The following NOS1AP variants were observed in gnomAD, a reference collection of about 807,000 sequenced individuals.
NOS1AP encodes carboxyl-terminal PDZ ligand of neuronal nitric oxide synthase protein.
Under a neutral mutation model 56.2 loss-of-function variants are expected in NOS1AP, and 21 were observed. That is an observed-to-expected ratio of 0.37 (90% CI 0.26 to 0.54). NOS1AP has a LOEUF of 0.54. Ranked by LOEUF, NOS1AP falls within the 20% of genes least tolerant of loss-of-function variation. The pLI, the probability that NOS1AP is intolerant of heterozygous loss-of-function variation, is 0.84. For synonymous variants in NOS1AP, 270 were observed against 274.6 expected, an observed-to-expected ratio of 0.98 and a Z score of 0.17; for missense variants, 522 against 657.8, an observed-to-expected ratio of 0.79 and a Z score of 2.26.
At chr1:162,309,478 A>C (rs1015557514) in intron 4 of NOS1AP, among the ~76,000 whole-genome samples, 8 of 152,260 alleles carry the variant, frequency 5.3e-5, no homozygotes, top group Non-Finnish European at 8.8e-5. Flanking sequence ...AGTGCTTATC[A>C]AGTGCTGAAG....
At chr1:162,137,639 T>C (rs1440409942) in intron 1 of NOS1AP, among the ~76,000 whole-genome samples, 1 of 152,052 alleles carries the variant, frequency 6.6e-6, no homozygotes, top group Non-Finnish European at 1.5e-5. Context: ...ATCCATCTTC[T>C]TCTTGTTCAG....
At chr1:162,265,477 T>C (rs1384209274) in intron 2 of NOS1AP, among the ~76,000 whole-genome samples, 1 of 150,612 alleles carries the variant, frequency 6.6e-6, no homozygotes, top group Non-Finnish European at 1.5e-5. Context: ...GAACATGCGG[T>C]GTTTGGTTTT....
At chr1:162,132,496 G>A (rs929908575) in intron 1 of NOS1AP, among the ~76,000 whole-genome samples, 20 of 152,162 alleles carry the variant, frequency 1.3e-4, no homozygotes, top group African/African-American at 4.3e-4. Flanking sequence ...AGATTTCTCC[G>A]TGACCTTCAG....
At chr1:162,216,534 C>T (rs966028941) in intron 2 of NOS1AP, among the ~76,000 whole-genome samples, 1 of 152,144 alleles carries the variant, frequency 6.6e-6, no homozygotes, top group Non-Finnish European at 1.5e-5. Flanking sequence ...GCCTCTGAGT[C>T]CTGCTATGTA....
intron 2 of NOS1AP, among the ~76,000 whole-genome samples, chr1:162,156,785 A>G (rs927624187): frequency 6.6e-6 from 1 of 152,120 alleles, no homozygotes; most frequent in South Asian, 2.1e-4. Context: ...ATTATTTACA[A>G]CTACTCTAGA....
chr1:162,329,626 A>G lies in NOS1AP; in HGVS notation c.345-3391A>G, dbSNP rs547413103. Among the ~76,000 whole-genome samples the G allele has an allele frequency of 5.9e-5, 9 of 152,046 alleles. No individual in the cohort carries two copies. In the East Asian group the frequency reaches 1.5e-3, roughly 26 times the overall value. On this transcript the variant is annotated intron_variant, in intron 4 of 9. Coordinates refer to ENST00000361897, the MANE Select transcript of NOS1AP (RefSeq NM_014697.3). ...TTCTCTTGAGCACTCACCTTCCTCT[A>G]CTCTCCCCCAATTTCTACCACCCCC... is the stretch of plus-strand genomic sequence containing the variant.
chr1:162,230,312 C>T (rs1653082595), intron 2 of NOS1AP, among the ~76,000 whole-genome samples: 1 of 152,196 alleles, frequency 6.6e-6, no homozygotes, highest in Admixed American at 6.5e-5. Context: ...GAAGTAAGAA[C>T]AAAAGCACTA....
intron 3 of NOS1AP, among the ~76,000 whole-genome samples, chr1:162,288,285 T>C (rs1298176968): frequency 6.6e-6 from 1 of 152,218 alleles, no homozygotes. Context: ...TTGTTTTACA[T>C]TTATTGATGG....
At chr1:162,273,599 A>T (rs567355296) in intron 2 of NOS1AP, among the ~76,000 whole-genome samples, 1 of 152,108 alleles carries the variant, frequency 6.6e-6, no homozygotes, top group Non-Finnish European at 1.5e-5. Flanking sequence ...CATTCACTCC[A>T]CCTGAGGAGG....
rs578058910 is a variant in NOS1AP at position 162,255,882 on chromosome 1, C to G, written c.178-31462C>G. On this transcript the variant is annotated intron_variant, in intron 2 of 9. Transcript: ENST00000361897. Reference sequence around the variant, plus strand: ...AATTGATGCTGGGTGCGGTGGCTTACGCCTGTAATCCCAGCACTTTGGGAG... The same window carrying G: ...AATTGATGCTGGGTGCGGTGGCTTAGGCCTGTAATCCCAGCACTTTGGGAG... 1.6e-3 allele frequency among the ~76,000 whole-genome samples: 247 copies of G among 152,238 alleles called. 2 individuals carry two copies. Among genetic ancestry groups the G allele is most frequent in the Non-Finnish European group, 2.1e-3 (141 of 68,020 alleles).
At chr1:162,319,178 A>T (rs990367499) in intron 4 of NOS1AP, among the ~76,000 whole-genome samples, 1 of 152,150 alleles carries the variant, frequency 6.6e-6, no homozygotes, top group African/African-American at 2.4e-5. Context: ...AGATGAGAAA[A>T]CTAAAACTTG....
chr1:162,295,671 C>A (rs1655432278), intron 3 of NOS1AP, among the ~76,000 whole-genome samples: 1 of 152,154 alleles, frequency 6.6e-6, no homozygotes, highest in African/African-American at 2.4e-5. Context: ...CAGGAAGAAT[C>A]AAATTGTTCT....
At chr1:162,273,157 GTTC>G (rs1654633152) in intron 2 of NOS1AP, among the ~76,000 whole-genome samples, 1 of 102,680 alleles carries the variant, frequency 9.7e-6, no homozygotes, top group East Asian at 2.9e-4. Context: ...GGAAGCCCTT[GTTC>G]TTTTTTTTTT....
At chr1:162,150,713 T>C (rs1649671541) in intron 1 of NOS1AP, among the ~76,000 whole-genome samples, 1 of 152,212 alleles carries the variant, frequency 6.6e-6, no homozygotes, top group Non-Finnish European at 1.5e-5. Context: ...CTGATAATGA[T>C]GTTGAGCACC....
intron 4 of NOS1AP, among the ~76,000 whole-genome samples, chr1:162,327,376 T>G (rs1368725831): frequency 2.0e-5 from 3 of 152,232 alleles, no homozygotes; most frequent in Non-Finnish European, 4.4e-5. Context: ...ATTGGTCATC[T>G]TTTGCAAAAT....
intron 2 of NOS1AP, among the ~76,000 whole-genome samples, chr1:162,197,201 TGA>T (rs1651837423): frequency 6.6e-6 from 1 of 152,178 alleles, no homozygotes; most frequent in South Asian, 2.1e-4. Flanking sequence ...CTCTTTTCAA[TGA>T]GAGTTTGAAG....
At chr1:162,298,934 T>C (rs1225088794) in intron 3 of NOS1AP, among the ~76,000 whole-genome samples, 1 of 152,228 alleles carries the variant, frequency 6.6e-6, no homozygotes, top group East Asian at 1.9e-4. Flanking sequence ...TCATAAACAT[T>C]GCTAACTGCG....
chr1:162,343,514 A>G (rs1464303618), intron 5 of NOS1AP, among the ~76,000 whole-genome samples: 1 of 152,210 alleles, frequency 6.6e-6, no homozygotes, highest in Non-Finnish European at 1.5e-5. Context: ...GACCCATTGA[A>G]CATTTTATCA....
At chr1:162,242,852 A>C (rs1653532971) in intron 2 of NOS1AP, among the ~76,000 whole-genome samples, 1 of 152,172 alleles carries the variant, frequency 6.6e-6, no homozygotes, top group South Asian at 2.1e-4. Context: ...TATCTCCTAG[A>C]TTTTATTGCA....
Sources: gnomAD v4.1 joint callset for allele counts (sites outside exome capture counted in the v4.1 genomes callset) on GRCh38, gnomAD v4.1.1 for gene constraint, MANE v1.5 for transcripts, NCBI Gene and HGNC (gene_info 2026-07-23, HGNC 2026-07-21) for gene names.